METAP2: variants seen among roughly 807,000 people sequenced by gnomAD.
METAP2 encodes the protein methionyl aminopeptidase 2.
In METAP2, 25 loss-of-function variants were observed where a neutral mutation model predicts 59.4. The observed-to-expected ratio is 0.42, with a 90% CI of 0.31 to 0.59. METAP2 has a LOEUF of 0.59. Ranked by LOEUF, METAP2 falls within the 20% of genes least tolerant of loss-of-function variation. The pLI is 0.16. For synonymous variants in METAP2, 214 were observed against 194.1 expected, an observed-to-expected ratio of 1.10 and a Z score of -0.85; for missense variants, 366 against 581.2, an observed-to-expected ratio of 0.63 and a Z score of 3.81.
At chr12:95,503,077 G>T (rs1244349418) in intron 7 of METAP2, among the ~76,000 whole-genome samples, 1 of 151,080 alleles carries the variant, frequency 6.6e-6, no homozygotes, top group East Asian at 1.9e-4. Flanking sequence ...AGTTTCTGTC[G>T]ATTTATTATT....
intron 4 of METAP2, 34 bp downstream of exon 4, chr12:95,486,015 C>T (rs2076193938): frequency 2.1e-6 from 3 of 1,402,326 alleles, no homozygotes; most frequent in Non-Finnish European, 3.0e-6. Context: ...AGTTTAATTT[C>T]TGACAGTTAT....
intron 1 of METAP2, among the ~76,000 whole-genome samples, chr12:95,474,961 CT>C (rs537316675): frequency 1.1e-3 from 173 of 152,202 alleles, no homozygotes; most frequent in African/African-American, 3.9e-3. Flanking sequence ...GCTTTAGGGC[CT>C]TTAGACCTGA....
At chr12:95,489,395 T>C (rs2076221066) in intron 4 of METAP2, among the ~76,000 whole-genome samples, 1 of 152,226 alleles carries the variant, frequency 6.6e-6, no homozygotes. Context: ...TCAAAGTAAT[T>C]TTCTTAAATA....
intron 4 of METAP2, 67 bp downstream of exon 4, chr12:95,486,048 G>C: frequency 2.6e-6 from 3 of 1,155,992 alleles, no homozygotes; most frequent in Non-Finnish European, 3.7e-6. Flanking sequence ...AAGCAGATTT[G>C]ACATTTCTCA....
intron 8 of METAP2, among the ~76,000 whole-genome samples, chr12:95,506,075 C>T (rs994046079): frequency 6.6e-6 from 1 of 151,184 alleles, no homozygotes; most frequent in Non-Finnish European, 1.5e-5. Context: ...CCAGCCTGGG[C>T]GACAGAGTGA....
intron 7 of METAP2, among the ~76,000 whole-genome samples, chr12:95,503,039 A>T (rs1333361012): frequency 6.8e-6 from 1 of 148,086 alleles, no homozygotes; most frequent in East Asian, 2.0e-4. Flanking sequence ...GTAGTGGTAG[A>T]TCTGCCATCA....
intron 7 of METAP2, 75 bp from the exon 8 acceptor site, chr12:95,503,990 T>G (rs2076336440): frequency 2.7e-6 from 3 of 1,093,604 alleles, no homozygotes; most frequent in African/African-American, 1.6e-5. Context: ...TCCCTTGTTT[T>G]TAAATGTTAC....
At chr12:95,494,014 C>T (rs200947777) in intron 4 of METAP2, 42 bp from the exon 5 acceptor site, 17 of 1,550,282 alleles carry the variant, frequency 1.1e-5, no homozygotes, top group South Asian at 2.3e-5. Context: ...TATGCTTGTT[C>T]TGCTGTTTTA....
chr12:95,507,185 C>T (rs1042711155), intron 8 of METAP2, among the ~76,000 whole-genome samples: 4 of 152,122 alleles, frequency 2.6e-5, no homozygotes, highest in African/African-American at 9.7e-5. Context: ...AACCTGAATA[C>T]CCAAGTTTCT....
At chr12:95,494,576 C>A (rs1215083033) in intron 5 of METAP2, among the ~76,000 whole-genome samples, 1 of 152,156 alleles carries the variant, frequency 6.6e-6, no homozygotes. Flanking sequence ...AGTAATTATT[C>A]TCTAGTTTTT....
At position 95,476,099 on chromosome 12, in the gene METAP2, A is replaced by T; in HGVS notation, c.180A>T (p.Ser60=). The T allele has an allele frequency of 6.2e-7, 1 of 1,610,952 alleles. No individual in the cohort carries two copies. Among genetic ancestry groups the T allele is most frequent in the Non-Finnish European group, 8.5e-7 (1 of 1,178,630 alleles). The change falls in exon 2 of 11, where the codon TCA becomes TCT. Residue 60 remains serine, a synonymous_variant. Coordinates refer to ENST00000323666, the MANE Select transcript of METAP2 (RefSeq NM_006838.4). Reference sequence around the variant, plus strand: ...GGGAACAGGAACCTGATAAAGAATCAGGAGCCTCAGTGGATGAAGTAGCAA... The same window carrying T: ...GGGAACAGGAACCTGATAAAGAATCTGGAGCCTCAGTGGATGAAGTAGCAA... The part of the protein sequence containing the change: ...AAGEQEPDKE[S]GASVDEVARQ...
At chr12:95,497,023 C>T (rs1365004916) in intron 7 of METAP2, among the ~76,000 whole-genome samples, 1 of 151,932 alleles carries the variant, frequency 6.6e-6, no homozygotes. Flanking sequence ...TGGGGTTTCA[C>T]CATGCTGGCC....
chr12:95,486,830 A>G (rs2076200954), intron 4 of METAP2, among the ~76,000 whole-genome samples: 1 of 152,186 alleles, frequency 6.6e-6, no homozygotes, highest in Non-Finnish European at 1.5e-5. Context: ...AATTACCATA[A>G]CAAGTACAGA....
intron 8 of METAP2, among the ~76,000 whole-genome samples, chr12:95,511,392 T>TTTG (rs2076401059): frequency 7.3e-6 from 1 of 136,522 alleles, no homozygotes; most frequent in Admixed American, 7.5e-5. Context: ...TAGCACCGTT[T>TTTG]TTTTTTTTTT....
At chr12:95,501,696 A>G (rs950497622) in intron 7 of METAP2, among the ~76,000 whole-genome samples, 3 of 152,024 alleles carry the variant, frequency 2.0e-5, no homozygotes, top group Non-Finnish European at 2.9e-5. Context: ...GCCTGGCGAC[A>G]GAGCAAAACT....
intron 6 of METAP2, among the ~76,000 whole-genome samples, chr12:95,495,728 T>G (rs1010634845): frequency 2.0e-5 from 3 of 152,194 alleles, no homozygotes; most frequent in Admixed American, 1.3e-4. Flanking sequence ...TGTTTCTGTT[T>G]ATATGTTTGT....
At position 95,514,613 on chromosome 12, in the gene METAP2, G is replaced by A. The variant is rs2076432077; in HGVS notation, c.*709G>A. 1 of 152,150 alleles carries A rather than the reference G, an allele frequency of 6.6e-6. No individual in the cohort carries two copies. Among genetic ancestry groups the A allele is most frequent in the Non-Finnish European group, 1.5e-5 (1 of 68,030 alleles). The allele number at this position is 152,150 out of a possible 1,614,324, so 9.4% of individuals were successfully genotyped here. On this transcript the variant is annotated 3_prime_UTR_variant, in exon 11 of 11. Coordinates refer to ENST00000323666, the MANE Select transcript of METAP2 (RefSeq NM_006838.4). ...CTGACATTGGAAAGATGTGCTAATTGAAACTTGACTTAGTAGGAACATTGT... is the reference window on the plus strand; with the variant it reads ...CTGACATTGGAAAGATGTGCTAATTAAAACTTGACTTAGTAGGAACATTGT...
chr12:95,496,632 A>G (rs1009398863), intron 7 of METAP2, among the ~76,000 whole-genome samples: 2 of 152,026 alleles, frequency 1.3e-5, no homozygotes, highest in African/African-American at 2.4e-5. Flanking sequence ...CGCATCTACC[A>G]TTATAGTATC....
intron 10 of METAP2, 148 bp downstream of exon 10, chr12:95,513,064 T>C: frequency 5.6e-6 from 3 of 535,832 alleles, no homozygotes; most frequent in Non-Finnish European, 9.8e-6. Flanking sequence ...AAATAGCCTG[T>C]TAAACATTTT....
Sources: allele counts gnomAD v4.1 joint callset (sites outside exome capture counted in the v4.1 genomes callset), GRCh38; gene constraint gnomAD v4.1.1; transcripts MANE v1.5; gene names NCBI Gene and HGNC (gene_info 2026-07-23, HGNC 2026-07-21).